Variants in MGAT4C observed in about 807,000 individuals in gnomAD.
MGAT4C encodes the protein MGAT4 family member C, also known as alpha-1,3-mannosyl-glycoprotein 4-beta-N-acetylglucosaminyltransferase C.
In MGAT4C, 19 loss-of-function variants were observed where a neutral mutation model predicts 40.1. The observed-to-expected ratio is 0.47, with a 90% confidence interval of 0.33 to 0.70. The LOEUF is 0.70. MGAT4C is among the 30% of genes least tolerant of loss of function. MGAT4C has a pLI of 0.02. For synonymous variants in MGAT4C, 181 were observed against 187.1 expected (o/e 0.97, Z 0.27); for missense variants, 491 against 563.2 (o/e 0.87, Z 1.30).
chr12:86,073,171 G>A (rs994582352), intron 1 of MGAT4C, among the ~76,000 whole-genome samples: 2 of 152,128 alleles, frequency 1.3e-5, no homozygotes, highest in Non-Finnish European at 2.9e-5. Context: ...GGTTTTAATA[G>A]GGGAAACCCC....
intron 1 of MGAT4C, among the ~76,000 whole-genome samples, chr12:86,774,321 T>TTCTTTCTTTCTTTCTTTC (rs1442674902): frequency 1.0e-5 from 1 of 96,642 alleles, no homozygotes; most frequent in Non-Finnish European, 2.2e-5. Flanking sequence ...CTTTCTTTCT[T>TTCTTTCTTTCTTTCTTTC]TCTTTCTTTC....
chr12:86,765,251 G>A (rs952946524), intron 1 of MGAT4C, among the ~76,000 whole-genome samples: 2 of 152,186 alleles, frequency 1.3e-5, no homozygotes, highest in African/African-American at 4.8e-5. Flanking sequence ...CAATCAACTG[G>A]AAGAAAGGGT....
intron 1 of MGAT4C, among the ~76,000 whole-genome samples, chr12:86,834,314 A>G (rs1040229553): frequency 3.3e-5 from 5 of 151,792 alleles, no homozygotes; most frequent in African/African-American, 1.2e-4. Context: ...ACTTTGGGTC[A>G]AAGGGGCAGG....
intron 2 of MGAT4C, among the ~76,000 whole-genome samples, chr12:86,568,545 C>CATAT (rs1232291041): frequency 0.13 from 18,459 of 138,424 alleles, 1,421 homozygotes; most frequent in East Asian, 0.18. Context: ...AACTCCCCTT[C>CATAT]ATATATATAT....
At chr12:86,150,058 A>G (rs1233999626) in intron 1 of MGAT4C, among the ~76,000 whole-genome samples, 2 of 152,178 alleles carry the variant, frequency 1.3e-5, no homozygotes, top group Admixed American at 1.3e-4. Flanking sequence ...GATGGGTGGA[A>G]GATGGTTTCA....
In MGAT4C at chr12:85,979,250, A is replaced by C; in HGVS notation, c.*39T>G. On this transcript the variant is annotated 3_prime_UTR_variant, in exon 5 of 5. Transcript: ENST00000611864. ...CAAAGGTAGCAAAAGACGAAGCAGG[A>C]AGAACTGCTTCAGAAACTGAACATA... 1 of 1,481,522 alleles carries C rather than the reference A, an allele frequency of 6.7e-7. No homozygotes were observed. The highest frequency in any genetic ancestry group is 9.1e-7 in the Non-Finnish European group (1 of 1,097,340). The allele number at this position is 1,481,522 out of a possible 1,614,324, so 91.8% of individuals were successfully genotyped here.
chr12:86,436,515 A>T (rs1957140691), intron 2 of MGAT4C, among the ~76,000 whole-genome samples: 1 of 151,702 alleles, frequency 6.6e-6, no homozygotes, highest in African/African-American at 2.4e-5. Context: ...TTGTCTTTAT[A>T]AAATTTTCCA....
intron 2 of MGAT4C, among the ~76,000 whole-genome samples, chr12:86,558,649 G>A (rs1019734760): frequency 4.6e-5 from 7 of 151,972 alleles, no homozygotes; most frequent in Non-Finnish European, 1.0e-4. Context: ...ATGCATAAGT[G>A]AGTCCTATAT....
intron 3 of MGAT4C, among the ~76,000 whole-genome samples, chr12:86,351,458 T>C (rs1175856277): frequency 6.6e-6 from 1 of 152,014 alleles, no homozygotes; most frequent in Non-Finnish European, 1.5e-5. Flanking sequence ...CAAATACATT[T>C]ATAAATTATA....
intron 3 of MGAT4C, among the ~76,000 whole-genome samples, chr12:86,375,138 G>A (rs984434346): frequency 6.6e-6 from 1 of 152,038 alleles, no homozygotes; most frequent in South Asian, 2.1e-4. Context: ...AACAGTGAGT[G>A]TTGGCCTATT....
At chr12:86,433,462 G>A (rs1312050840) in intron 3 of MGAT4C, among the ~76,000 whole-genome samples, 2 of 151,874 alleles carry the variant, frequency 1.3e-5, no homozygotes, top group Admixed American at 6.6e-5. Flanking sequence ...GTAGCTTGCT[G>A]CATGTGCCTA....
At chr12:86,359,789 G>A (rs993718014) in intron 3 of MGAT4C, among the ~76,000 whole-genome samples, 1 of 152,132 alleles carries the variant, frequency 6.6e-6, no homozygotes, top group African/African-American at 2.4e-5. Flanking sequence ...GGAAGAAGTT[G>A]AATCTCTGAA....
chr12:86,665,544 T>A (rs1187368571), intron 2 of MGAT4C, among the ~76,000 whole-genome samples: 4 of 151,892 alleles, frequency 2.6e-5, no homozygotes, highest in Non-Finnish European at 5.9e-5. Flanking sequence ...GCCCAGCTAA[T>A]TTTTTTGTAT....
chr12:85,983,392 T>C (rs974857988), intron 4 of MGAT4C, 131 bp downstream of exon 4: 13 of 850,624 alleles, frequency 1.5e-5, no homozygotes, highest in African/African-American at 1.3e-4. Context: ...TGAAGAAACA[T>C]TGAAGTTTTG....
At chr12:86,488,941 C>G (rs1001752510) in intron 2 of MGAT4C, among the ~76,000 whole-genome samples, 2 of 152,060 alleles carry the variant, frequency 1.3e-5, no homozygotes, top group Non-Finnish European at 2.9e-5. Context: ...CTGGCAAAAC[C>G]CCACCTTCAA....
In MGAT4C at chr12:86,172,935, A is replaced by C. The variant is rs542002648; in HGVS notation, c.-57+83304T>G. Among the ~76,000 whole-genome samples, 19 of 152,262 alleles carry C rather than the reference A, an allele frequency of 1.2e-4. 1 individual carries two copies. In the East Asian group the frequency reaches 3.5e-3, roughly 28 times the overall value. On this transcript the variant is annotated intron_variant, in intron 1 of 4. Coordinates refer to ENST00000611864, the MANE Select transcript of MGAT4C (RefSeq NM_001351288.2). ...GCCATTGATGACTTTTCCAGGTATA[A>C]AATTATAGAGTCATTACATTTTAAA... is the stretch of plus-strand genomic sequence containing the variant.
chr12:86,236,863 T>C (rs915122956), intron 1 of MGAT4C, among the ~76,000 whole-genome samples: 8 of 151,918 alleles, frequency 5.3e-5, no homozygotes, highest in Non-Finnish European at 1.0e-4. Flanking sequence ...AATGTGATTA[T>C]CTTGGTAAAC....
chr12:85,991,326 G>A (rs942126474), intron 2 of MGAT4C, among the ~76,000 whole-genome samples: 16 of 152,262 alleles, frequency 1.1e-4, no homozygotes, highest in African/African-American at 3.6e-4. Context: ...GGAAGCGCAT[G>A]CCAACTGATC....
At chr12:86,037,706 C>T (rs1233343684) in intron 2 of MGAT4C, among the ~76,000 whole-genome samples, 2 of 149,688 alleles carry the variant, frequency 1.3e-5, no homozygotes, top group Non-Finnish European at 3.0e-5. Context: ...TGTTTTACTT[C>T]CAATTATTTG....
Sources: allele counts gnomAD v4.1 joint callset (sites outside exome capture counted in the v4.1 genomes callset), GRCh38; gene constraint gnomAD v4.1.1; transcripts MANE v1.5; gene names NCBI Gene and HGNC (gene_info 2026-07-23, HGNC 2026-07-21).